USP54: variants seen among roughly 807,000 people sequenced by gnomAD.
The protein encoded by USP54 is ubiquitin carboxyl-terminal hydrolase 54.
In USP54, 87 loss-of-function variants were observed where a neutral mutation model predicts 170.5. The observed-to-expected ratio is 0.51, with a 90% confidence interval of 0.43 to 0.61. USP54 has a LOEUF of 0.61. USP54 is among the 20% of genes least tolerant of loss of function. USP54 has a pLI of 0.00. For synonymous variants in USP54, 655 were observed against 742.8 expected, an observed-to-expected ratio of 0.88 and a Z score of 1.92; for missense variants, 1,786 against 2,047.8, an observed-to-expected ratio of 0.87 and a Z score of 2.47.
chr10:73,575,181 C>T (rs1409385166), intron 3 of USP54, among the ~76,000 whole-genome samples: 2 of 151,552 alleles, frequency 1.3e-5, no homozygotes, highest in South Asian at 2.1e-4. Context: ...GCCGAGATTG[C>T]GCCACTGCAC....
At chr10:73,568,361 T>C (rs966755537) in intron 4 of USP54, among the ~76,000 whole-genome samples, 14 of 152,246 alleles carry the variant, frequency 9.2e-5, no homozygotes, top group African/African-American at 3.4e-4. Flanking sequence ...GATGAGGGAA[T>C]AGCTCTTGAA....
Position 73,497,539 on chromosome 10 carries a change from T to G in USP54, c.*1090A>C, listed in dbSNP as rs1052072085. 2 of 152,192 alleles carry G rather than the reference T, an allele frequency of 1.3e-5. No individual in the cohort carries two copies. Among genetic ancestry groups the G allele is most frequent in the African/African-American group, 2.4e-5 (1 of 41,450 alleles). 9.4% of individuals were successfully genotyped at this position (152,192 alleles called of 1,614,324 possible). ...TACAAAGGGAAGAATGACAAGGAAT[T>G]AAATAGAACTGTCTTATAGATTTAT... On this transcript the variant is annotated 3_prime_UTR_variant, in exon 24 of 24. Transcript: ENST00000687698.
Position 73,519,951 on chromosome 10 carries a change from G to A in USP54, c.2524C>T (p.His842Tyr). 2 of 1,613,008 alleles carry A rather than the reference G, an allele frequency of 1.2e-6. No homozygotes were observed. The highest frequency in any genetic ancestry group is 2.2e-5 in the South Asian group (2 of 90,814). The change falls in exon 19 of 24, where the codon CAC (histidine) becomes TAC (tyrosine). Residue 842 changes from histidine to tyrosine, a missense_variant. This residue lies in a region of USP54 where 1,418 missense variants were observed against 1,569.0 expected (regional missense o/e 0.90). Coordinates refer to ENST00000687698, the MANE Select transcript of USP54 (RefSeq NM_001391956.1). ...LALHGASCST[H>Y]SRALVDKKLQ... ...TTCTTATCGACTAGGGCTCTGCTGT[G>A]CGTGCTACAGCTGGCACCATGCAGG...
At chr10:73,596,766 A>T (rs2132246896) in intron 1 of USP54, among the ~76,000 whole-genome samples, 1 of 148,578 alleles carries the variant, frequency 6.7e-6, no homozygotes, top group African/African-American at 2.5e-5. Context: ...CTCAGTGTTT[A>T]TGTTCAAGTA....
At chr10:73,617,844 A>G (rs939902470) in intron 1 of USP54, among the ~76,000 whole-genome samples, 1 of 149,700 alleles carries the variant, frequency 6.7e-6, no homozygotes, top group Non-Finnish European at 1.5e-5. Flanking sequence ...CAGGAGGCAA[A>G]AGCTGCAGTA....
At chr10:73,588,125 A>G (rs537548388) in intron 1 of USP54, among the ~76,000 whole-genome samples, 1 of 152,350 alleles carries the variant, frequency 6.6e-6, no homozygotes, top group Admixed American at 6.5e-5. Context: ...AGATTAAACT[A>G]TAATTGATAG....
chr10:73,570,342 T>A (rs1036431119), intron 4 of USP54, among the ~76,000 whole-genome samples: 1 of 151,992 alleles, frequency 6.6e-6, no homozygotes, highest in Admixed American at 6.6e-5. Flanking sequence ...CCATTTTCTT[T>A]GCTCTAAAGA....
intron 4 of USP54, among the ~76,000 whole-genome samples, chr10:73,546,184 T>A (rs1303194042): frequency 1.3e-5 from 2 of 152,226 alleles, no homozygotes. Flanking sequence ...TTTACTTTCA[T>A]CTACAGATAA....
chr10:73,567,490 G>A (rs900210580), intron 4 of USP54, among the ~76,000 whole-genome samples: 1 of 152,038 alleles, frequency 6.6e-6, no homozygotes, highest in African/African-American at 2.4e-5. Flanking sequence ...GGCCAACATG[G>A]TGAAACTCTA....
At chr10:73,583,226 T>C (rs771392815) in intron 1 of USP54, among the ~76,000 whole-genome samples, 4 of 152,192 alleles carry the variant, frequency 2.6e-5, no homozygotes, top group Admixed American at 6.5e-5. Context: ...GATAGGATCC[T>C]GGAACAGAAA....
rs1405529362 is a variant in USP54, at chr10:73,517,543, T to C, written c.2883A>G (p.Val961=). The change falls in exon 20 of 24, where the codon GTA becomes GTG. Residue 961 remains valine (V), a synonymous_variant. Coordinates refer to ENST00000687698, the MANE Select transcript of USP54 (RefSeq NM_001391956.1). ...SALKLLTSVE[V]DNIEPSAFHR... ...GGAATGCAGAGGGTTCAATGTTGTC[T>C]ACTTCAACCGAAGTCAGAAGCTTCA... 1 of 1,614,094 alleles carries C rather than the reference T, an allele frequency of 6.2e-7. No homozygotes were observed. Among genetic ancestry groups the C allele is most frequent in the African/African-American group, 1.3e-5 (1 of 74,940 alleles).
At chr10:73,608,222 C>T (rs982686280) in intron 1 of USP54, among the ~76,000 whole-genome samples, 1 of 151,628 alleles carries the variant, frequency 6.6e-6, no homozygotes. Flanking sequence ...TTCATGACAC[C>T]GCACTCCAGC....
At chr10:73,516,317 T>C in intron 20 of USP54, 58 bp downstream of exon 20, 1 of 1,533,708 alleles carries the variant, frequency 6.5e-7, no homozygotes, top group Non-Finnish European at 8.8e-7. Flanking sequence ...GATCTTTCCC[T>C]GCTTTCAGCT....
rs978330330 is a variant in USP54, at chr10:73,504,880, C to T, written c.4281G>A (p.Arg1427=). ...RSLSGTVVSE[R]EEAPVSSHSF... Reference sequence around the variant, plus strand: ...TGTGGGAAGAAACCGGAGCTTCCTCCCTCTCTGAGACAACGGTGCCACTGA... The same window carrying T: ...TGTGGGAAGAAACCGGAGCTTCCTCTCTCTCTGAGACAACGGTGCCACTGA... Residue 1427 remains arginine, a synonymous_variant, in exon 22 of 24, where the codon AGG becomes AGA. Transcript: ENST00000687698. The T allele has an allele frequency of 7.4e-6, 12 of 1,614,000 alleles. No homozygotes were observed. The highest frequency in any genetic ancestry group is 1.1e-5 in the South Asian group (1 of 91,074).
At chr10:73,580,025 T>C (rs933109785) in intron 1 of USP54, among the ~76,000 whole-genome samples, 3 of 151,918 alleles carry the variant, frequency 2.0e-5, no homozygotes, top group Non-Finnish European at 4.4e-5. Flanking sequence ...CTACATTGTT[T>C]ATGGAAATGC....
chr10:73,614,579 A>AAAAAGGAAAC (rs1400495712), intron 1 of USP54, among the ~76,000 whole-genome samples: 1 of 149,328 alleles, frequency 6.7e-6, no homozygotes, highest in East Asian at 1.9e-4. Context: ...AAAAAAAAAA[A>AAAAAGGAAAC]AAAGGAAACA....
chr10:73,593,042 G>A (rs2078408637), upstream of USP54, among the ~76,000 whole-genome samples: 8 of 152,146 alleles, frequency 5.3e-5, no homozygotes, highest in Admixed American at 3.9e-4. Context: ...TTTTTGTTAG[G>A]TGAGTGTCAA....
intron 12 of USP54, among the ~76,000 whole-genome samples, chr10:73,532,188 T>C (rs1181204118): frequency 6.6e-6 from 1 of 152,172 alleles, no homozygotes; most frequent in East Asian, 1.9e-4. Context: ...TTTTTTTTTT[T>C]TTGAGACGGA....
chr10:73,560,901 G>A (rs1314559258), intron 4 of USP54, among the ~76,000 whole-genome samples: 2 of 150,414 alleles, frequency 1.3e-5, no homozygotes, highest in Admixed American at 6.6e-5. Flanking sequence ...TCAGGAGTTC[G>A]AGACCAGCCT....
Sources: allele counts gnomAD v4.1 joint callset (sites outside exome capture counted in the v4.1 genomes callset), GRCh38; gene constraint gnomAD v4.1.1; regional missense constraint gnomAD v4.1.1; transcripts MANE v1.5; gene names NCBI Gene and HGNC (gene_info 2026-07-23, HGNC 2026-07-21).